SIK3: variants seen among roughly 807,000 people sequenced by gnomAD.
The protein encoded by SIK3 is SIK family kinase 3.
Under a neutral mutation model 144.2 loss-of-function variants are expected in SIK3, and 28 were observed. The ratio of observed to expected loss-of-function variants is 0.19; its 90% CI spans 0.14 to 0.27. The LOEUF is 0.27. SIK3 is among the 10% of genes least tolerant of loss of function. The pLI, the probability that SIK3 is intolerant of heterozygous loss-of-function variation, is 1.00. For missense variants in SIK3, 1,319 were observed against 1,776.0 expected, an observed-to-expected ratio of 0.74 and a Z score of 4.62; for synonymous variants, 686 against 676.3, an observed-to-expected ratio of 1.01 and a Z score of -0.22.
intron 11 of SIK3, 117 bp from the exon 12 acceptor site, chr11:116,874,173 AT>A (rs1206622723): frequency 2.8e-6 from 3 of 1,079,390 alleles, no homozygotes; most frequent in Non-Finnish European, 4.0e-6. Flanking sequence ...TTCTTCCTGA[AT>A]TTATGTTTCT....
chr11:116,963,083 T>C (rs1486844577), intron 1 of SIK3, among the ~76,000 whole-genome samples: 1 of 152,210 alleles, frequency 6.6e-6, no homozygotes, highest in African/African-American at 2.4e-5. Flanking sequence ...CACAGAAACC[T>C]GGCCCAAGTT....
chr11:117,058,347 C>T (rs1953635184), intron 1 of SIK3, among the ~76,000 whole-genome samples: 2 of 151,928 alleles, frequency 1.3e-5, no homozygotes, highest in Admixed American at 6.6e-5. Flanking sequence ...TGGTGAAACC[C>T]CATCTCTGCT....
At chr11:116,939,961 A>G (rs79867419) in intron 3 of SIK3, among the ~76,000 whole-genome samples, 1 of 152,228 alleles carries the variant, frequency 6.6e-6, no homozygotes, top group African/African-American at 2.4e-5. Flanking sequence ...AACTATAAGA[A>G]GATGTTTTGA....
In SIK3 at chr11:116,859,598, G is replaced by T. The variant is rs1395376074; in HGVS notation, c.2432C>A (p.Ala811Glu). The T allele has an allele frequency of 1.2e-6, 2 of 1,613,480 alleles. No individual in the cohort carries two copies. The highest frequency in any genetic ancestry group is 8.5e-7 in the Non-Finnish European group (1 of 1,179,586). ...TAAGCCTTGAAACTGGGAAGAAGAT[G>T]CAGCCCCTGGAGAGAAAGGAACCTC... ...SSAMIQPHGA[A>E]SSSQFQGLPS... is the part of the protein sequence containing the mutation. The change falls in exon 20 of 25, where the codon GCA (alanine) becomes GAA (glutamate). Residue 811 changes from alanine (A) to glutamate (E), a missense_variant. Physicochemically the swap from Ala to Glu is moderately radical, Grantham distance 107 (BLOSUM62 -1). Transcript: ENST00000445177.
chr11:116,977,617 G>A (rs946020305), intron 1 of SIK3, among the ~76,000 whole-genome samples: 5 of 152,146 alleles, frequency 3.3e-5, no homozygotes, highest in Admixed American at 6.5e-5. Flanking sequence ...GCAGATGCAG[G>A]CTAGGGCTAG....
chr11:116,926,182 T>C (rs1947261806), intron 4 of SIK3, among the ~76,000 whole-genome samples: 1 of 152,210 alleles, frequency 6.6e-6, no homozygotes. Flanking sequence ...TATATTTTAG[T>C]TTTCTATATG....
At chr11:116,914,428 C>T (rs1201702607) in intron 4 of SIK3, among the ~76,000 whole-genome samples, 3 of 152,000 alleles carry the variant, frequency 2.0e-5, no homozygotes, top group Non-Finnish European at 1.5e-5. Flanking sequence ...AGGCTGGTCT[C>T]GAACTCCTGA....
At chr11:116,925,222 C>T (rs1947210167) in intron 4 of SIK3, among the ~76,000 whole-genome samples, 2 of 151,302 alleles carry the variant, frequency 1.3e-5, no homozygotes, top group Admixed American at 1.3e-4. Context: ...GCCCTCCTGC[C>T]TGGGCAACAG....
chr11:116,993,172 C>T (rs979658489), intron 1 of SIK3, among the ~76,000 whole-genome samples: 14 of 152,180 alleles, frequency 9.2e-5, no homozygotes, highest in Admixed American at 6.5e-4. Flanking sequence ...CTGGCATGAG[C>T]CACTGCACTC....
intron 3 of SIK3, among the ~76,000 whole-genome samples, chr11:116,949,041 A>G (rs1458631578): frequency 2.6e-5 from 4 of 152,218 alleles, no homozygotes; most frequent in Non-Finnish European, 5.9e-5. Context: ...GAATTCAGAA[A>G]ATACTTTCAA....
intron 14 of SIK3, chr11:116,869,921 C>T: frequency 5.2e-6 from 2 of 381,536 alleles, no homozygotes; most frequent in South Asian, 2.1e-5. Flanking sequence ...AAGGAAAAGT[C>T]CATGCCAGAG....
intron 1 of SIK3, among the ~76,000 whole-genome samples, chr11:116,987,322 A>T (rs1240686365): frequency 6.1e-5 from 1 of 16,342 alleles, no homozygotes; most frequent in African/African-American, 1.5e-4. Context: ...ATAAAAGATT[A>T]AAAAAAAAAA....
intron 18 of SIK3, 106 bp downstream of exon 18, chr11:116,861,735 T>G: frequency 1.3e-6 from 1 of 741,990 alleles, no homozygotes; most frequent in South Asian, 1.8e-5. Flanking sequence ...TCAAATAGAT[T>G]CTTGCAAGAT....
intron 1 of SIK3, among the ~76,000 whole-genome samples, chr11:117,032,690 T>A (rs530730526): frequency 4.1e-4 from 59 of 143,954 alleles, no homozygotes; most frequent in African/African-American, 9.8e-4. Context: ...TTTTTTTTTT[T>A]AAAAGAGATG....
intron 1 of SIK3, among the ~76,000 whole-genome samples, chr11:117,080,439 C>G (rs534418321): frequency 6.6e-6 from 1 of 152,154 alleles, no homozygotes; most frequent in Non-Finnish European, 1.5e-5. Context: ...AAGATCAGAA[C>G]ATTGTATATA....
At chr11:117,024,553 C>A (rs906223949) in intron 1 of SIK3, among the ~76,000 whole-genome samples, 8 of 152,092 alleles carry the variant, frequency 5.3e-5, no homozygotes, top group African/African-American at 1.9e-4. Flanking sequence ...TCAGGTAACA[C>A]CACCAAAGTT....
At position 116,849,062 on chromosome 11, in the gene SIK3, T is replaced by TA. The variant is rs1156440956; in HGVS notation, c.3819+57_3819+58insT. ...GAGGCTACCCCACATCACTATACTC[T>TA]GTTTCAAGGCTGGGACTGGGAGGAT... On this transcript the variant is annotated intron_variant, in intron 22 of 24. Coordinates refer to ENST00000445177, the MANE Select transcript of SIK3 (RefSeq NM_001366686.3). The surrounding 1 kb of genome is among the most constrained non-coding windows in gnomAD (Gnocchi z 4.2). The TA allele has an allele frequency of 6.6e-7, 1 of 1,525,652 alleles. No individual in the cohort carries two copies. The highest frequency in any genetic ancestry group is 1.4e-5 in the African/African-American group (1 of 72,430). 94.5% of individuals were successfully genotyped at this position (1,525,652 alleles called of 1,614,324 possible). A position where few individuals can be genotyped will look rare whatever the true frequency, so the allele number is the denominator to read the frequency against.
intron 1 of SIK3, among the ~76,000 whole-genome samples, chr11:117,092,729 C>T (rs969003200): frequency 6.6e-6 from 1 of 152,208 alleles, no homozygotes; most frequent in Non-Finnish European, 1.5e-5. Flanking sequence ...TGTTGTTTTA[C>T]AGTTACAGTG....
chr11:116,890,833 G>C (rs144003157), intron 6 of SIK3, among the ~76,000 whole-genome samples: 1 of 152,282 alleles, frequency 6.6e-6, no homozygotes, highest in East Asian at 1.9e-4. Context: ...AAGAAAATTA[G>C]GGTGACTGGT....
Sources: allele counts gnomAD v4.1 joint callset (sites outside exome capture counted in the v4.1 genomes callset), GRCh38; gene constraint gnomAD v4.1.1; non-coding constraint Gnocchi (gnomAD v3.1); transcripts MANE v1.5; gene names NCBI Gene and HGNC (gene_info 2026-07-23, HGNC 2026-07-21).